The following RIMS2 variants were observed in gnomAD, a reference collection of about 807,000 sequenced individuals.
RIMS2 encodes regulating synaptic membrane exocytosis protein 2.
RIMS2 carries 59 observed loss-of-function variants against 174.4 expected under a neutral mutation model. The ratio of observed to expected loss-of-function variants is 0.34; its 90% CI spans 0.27 to 0.42. RIMS2 has a LOEUF of 0.42. Among genes scored for constraint, RIMS2 ranks in the 10% least tolerant of loss-of-function variants. The pLI is 1.00. For missense variants in RIMS2, 1,620 were observed against 1,666.3 expected (o/e 0.97, Z 0.48); for synonymous variants, 606 against 572.5 (o/e 1.06, Z -0.84).
intron 3 of RIMS2, among the ~76,000 whole-genome samples, chr8:103,789,956 C>A (rs1206412594): frequency 6.6e-6 from 1 of 151,990 alleles, no homozygotes; most frequent in African/African-American, 2.4e-5. Flanking sequence ...GAGATGGCAT[C>A]TCTCTAGCCT....
intron 19 of RIMS2, among the ~76,000 whole-genome samples, chr8:104,039,186 T>C (rs1293986111): frequency 2.0e-5 from 3 of 151,808 alleles, no homozygotes; most frequent in Non-Finnish European, 4.4e-5. Flanking sequence ...TAATAAAATA[T>C]CCAGTTCAGG....
chr8:104,219,630 G>A (rs2099146298), intron 19 of RIMS2, among the ~76,000 whole-genome samples: 1 of 152,054 alleles, frequency 6.6e-6, no homozygotes, highest in African/African-American at 2.4e-5. Flanking sequence ...ATGTTTAATA[G>A]TGCAGTCTTT....
chr8:103,567,195 A>AGC (rs1455046363), intron 1 of RIMS2, among the ~76,000 whole-genome samples: 2 of 152,232 alleles, frequency 1.3e-5, no homozygotes, highest in African/African-American at 4.8e-5. Context: ...ATGCACATAT[A>AGC]AAATTTTACC....
intron 19 of RIMS2, among the ~76,000 whole-genome samples, chr8:104,158,140 A>G (rs1453086144): frequency 1.3e-5 from 2 of 152,156 alleles, no homozygotes; most frequent in African/African-American, 4.8e-5. Context: ...GAGTGAGAAC[A>G]TGCAGTATTT....
intron 19 of RIMS2, among the ~76,000 whole-genome samples, chr8:104,108,244 T>C (rs1057451881): frequency 1.3e-5 from 2 of 152,164 alleles, no homozygotes; most frequent in Non-Finnish European, 2.9e-5. Flanking sequence ...TTCTTTTTTT[T>C]ATTTAAGAGA....
At chr8:104,086,149 G>A (rs1031932925) in intron 19 of RIMS2, among the ~76,000 whole-genome samples, 21 of 151,826 alleles carry the variant, frequency 1.4e-4, no homozygotes, top group Non-Finnish European at 2.5e-4. Context: ...AACCCTGAGT[G>A]GCAATATCTA....
At chr8:103,553,982 ATAACTGGG>A (rs909702831) in intron 1 of RIMS2, among the ~76,000 whole-genome samples, 1 of 152,196 alleles carries the variant, frequency 6.6e-6, no homozygotes, top group Admixed American at 6.6e-5. Context: ...TAGTGCTGGA[ATAACTGGG>A]TAGTGTTTGT....
chr8:103,782,980 G>A (rs1469525887), intron 3 of RIMS2, among the ~76,000 whole-genome samples: 1 of 152,130 alleles, frequency 6.6e-6, no homozygotes, highest in Non-Finnish European at 1.5e-5. Flanking sequence ...TTAAATTTCA[G>A]TTTGTGTAGG....
intron 13 of RIMS2, 93 bp downstream of exon 15, chr8:103,936,815 GC>G: frequency 9.9e-7 from 1 of 1,013,012 alleles, no homozygotes; most frequent in Non-Finnish European, 1.4e-6. Flanking sequence ...TGTAGAATAG[GC>G]CAGGCATGGT....
At chr8:103,902,416 A>T (rs2073343764) in intron 4 of RIMS2, among the ~76,000 whole-genome samples, 1 of 151,988 alleles carries the variant, frequency 6.6e-6, no homozygotes, top group Non-Finnish European at 1.5e-5. Flanking sequence ...ATGACTTGTG[A>T]CTCATATACA....
At chr8:104,120,724 A>G (rs1257854435) in intron 19 of RIMS2, among the ~76,000 whole-genome samples, 1 of 152,202 alleles carries the variant, frequency 6.6e-6, no homozygotes, top group Non-Finnish European at 1.5e-5. Context: ...TTAGAGTATT[A>G]TAAATTAAGA....
chr8:103,826,691 T>C (rs1271429415), intron 3 of RIMS2, among the ~76,000 whole-genome samples: 1 of 149,038 alleles, frequency 6.7e-6, no homozygotes, highest in Non-Finnish European at 1.5e-5. Flanking sequence ...ATTTCAAATA[T>C]ATATATATGT....
intron 6 of RIMS2, among the ~76,000 whole-genome samples, chr8:103,914,109 G>T (rs940468414): frequency 1.3e-5 from 2 of 152,080 alleles, no homozygotes; most frequent in African/African-American, 2.4e-5. Context: ...TTTAAATTCA[G>T]ATTTGACCAT....
At chr8:104,119,191 A>AC (rs201347913) in intron 19 of RIMS2, among the ~76,000 whole-genome samples, 2 of 148,148 alleles carry the variant, frequency 1.3e-5, no homozygotes. Flanking sequence ...CTTAAAAACA[A>AC]AAAAAAAAAA....
At chr8:103,769,283 A>G (rs1010925472) in intron 3 of RIMS2, among the ~76,000 whole-genome samples, 1 of 152,190 alleles carries the variant, frequency 6.6e-6, no homozygotes, top group Non-Finnish European at 1.5e-5. Flanking sequence ...TTAATTCATC[A>G]TAGACAAGGT....
intron 3 of RIMS2, among the ~76,000 whole-genome samples, chr8:103,838,883 G>A (rs2098921491): frequency 6.6e-6 from 1 of 152,116 alleles, no homozygotes; most frequent in African/African-American, 2.4e-5. Context: ...GGCTAACACG[G>A]TGAAACCCCG....
At chr8:103,627,116 A>T (rs1321742491) in intron 1 of RIMS2, among the ~76,000 whole-genome samples, 2 of 152,160 alleles carry the variant, frequency 1.3e-5, no homozygotes, top group Admixed American at 1.3e-4. Context: ...ACACTCCCAG[A>T]GCGGCCATCT....
intron 1 of RIMS2, among the ~76,000 whole-genome samples, chr8:103,567,529 A>C (rs1226292620): frequency 6.6e-6 from 1 of 152,220 alleles, no homozygotes; most frequent in African/African-American, 2.4e-5. Context: ...GCCAAATAAT[A>C]ATCTGTTGTA....
Position 103,734,485 on chromosome 8 carries a change from C to T in RIMS2, c.388-31742C>T, listed in dbSNP as rs376025455. 1.3e-4 allele frequency among the ~76,000 whole-genome samples: 19 copies of T among 147,918 alleles called. No individual in the cohort carries two copies. In the East Asian group the frequency reaches 3.0e-3, roughly 23 times the overall value. On this transcript the variant is annotated intron_variant, in intron 2 of 23. Transcript: ENST00000504942. Reference sequence around the variant, plus strand: ...CTTTTTTTTTTTTTAGCACTTTAAACATATTAGTATTTTTATTTCTTTTTT... The same window carrying T: ...CTTTTTTTTTTTTTAGCACTTTAAATATATTAGTATTTTTATTTCTTTTTT...
Sources: allele counts gnomAD v4.1 joint callset (sites outside exome capture counted in the v4.1 genomes callset), GRCh38; gene constraint gnomAD v4.1.1; transcripts MANE v1.5; gene names NCBI Gene and HGNC (gene_info 2026-07-23, HGNC 2026-07-21).